ADCY5: variants seen among roughly 807,000 people sequenced by gnomAD.
The protein encoded by ADCY5 is adenylate cyclase type 5.
A neutral mutation model predicts 119.7 loss-of-function variants in ADCY5; 30 were observed. That is an observed-to-expected ratio of 0.25 (90% confidence interval 0.19 to 0.34). ADCY5 has a LOEUF of 0.34. ADCY5 is among the 10% of genes least tolerant of loss of function. The pLI is 1.00. For missense variants in ADCY5, 1,324 were observed against 1,775.2 expected (o/e 0.75, Z 4.57); for synonymous variants, 753 against 762.2 (o/e 0.99, Z 0.20).
Position 123,286,976 on chromosome 3 carries a change from G to A in ADCY5, c.3533-167C>T, listed in dbSNP as rs2108164527. On this transcript the variant is annotated intron_variant, in intron 19 of 20. Transcript: ENST00000462833. The surrounding 1 kb of genome is among the most constrained non-coding windows in gnomAD (Gnocchi z 4.2). ...TGCAGCCTCCCGCTACCCTGCTCCTGTCAAATGCCTGTGAATGCAAGACAC... is the reference window on the plus strand; with the variant it reads ...TGCAGCCTCCCGCTACCCTGCTCCTATCAAATGCCTGTGAATGCAAGACAC... The A allele has an allele frequency of 1.1e-6, 1 of 900,614 alleles. No homozygotes were observed. The highest frequency in any genetic ancestry group is 1.6e-6 in the Non-Finnish European group (1 of 632,312). The allele number at this position is 900,614 out of a possible 1,614,324, so 55.8% of individuals were successfully genotyped here.
chr3:123,292,812 T>C (rs1939240011), intron 17 of ADCY5, among the ~76,000 whole-genome samples: 1 of 152,156 alleles, frequency 6.6e-6, no homozygotes, highest in African/African-American at 2.4e-5. Context: ...TGCACCAGAC[T>C]AGACAGTCCT....
intron 1 of ADCY5, among the ~76,000 whole-genome samples, chr3:123,386,272 C>T (rs62262391): frequency 0.2 from 28,541 of 143,362 alleles, 3,002 homozygotes; most frequent in Middle Eastern, 0.29. Context: ...CCCTCATCCT[C>T]GGCAGAGGCC....
intron 3 of ADCY5, among the ~76,000 whole-genome samples, chr3:123,339,158 G>A (rs945607359): frequency 6.6e-6 from 1 of 152,222 alleles, no homozygotes; most frequent in Non-Finnish European, 1.5e-5. Flanking sequence ...GGGCTGGGGA[G>A]GCTGAAGTGG....
At chr3:123,367,910 A>T (rs1943503443) in intron 1 of ADCY5, 1 of 1,535,310 alleles carries the variant, frequency 6.5e-7, no homozygotes, top group Admixed American at 2.0e-5. Flanking sequence ...CTTACCTCCA[A>T]CTGAGTGCGG....
intron 1 of ADCY5, among the ~76,000 whole-genome samples, chr3:123,388,237 G>T (rs1944291439): frequency 6.6e-6 from 1 of 152,194 alleles, no homozygotes; most frequent in Non-Finnish European, 1.5e-5. Flanking sequence ...GGTCTAACCA[G>T]GGCAGGTTGG....
intron 4 of ADCY5, among the ~76,000 whole-genome samples, chr3:123,332,319 C>G (rs1182902541): frequency 6.6e-6 from 1 of 152,256 alleles, no homozygotes; most frequent in Non-Finnish European, 1.5e-5. Flanking sequence ...GCTCCCTACA[C>G]TCTCGCTTGT....
At chr3:123,353,673 G>A (rs1270123879) in intron 1 of ADCY5, among the ~76,000 whole-genome samples, 1 of 152,204 alleles carries the variant, frequency 6.6e-6, no homozygotes, top group Non-Finnish European at 1.5e-5. Flanking sequence ...GGGGTAAGGA[G>A]GGCACTTGGC....
chr3:123,380,199 T>C (rs1236202085), intron 1 of ADCY5, among the ~76,000 whole-genome samples: 1 of 152,220 alleles, frequency 6.6e-6, no homozygotes, highest in African/African-American at 2.4e-5. Flanking sequence ...AAAATCCCAG[T>C]TGCAATTACC....
At chr3:123,395,729 T>C (rs1273042956) in intron 1 of ADCY5, among the ~76,000 whole-genome samples, 3 of 151,574 alleles carry the variant, frequency 2.0e-5, no homozygotes, top group African/African-American at 7.3e-5. Flanking sequence ...AAAAAAATTT[T>C]TTTAATTGCC....
intron 1 of ADCY5, among the ~76,000 whole-genome samples, chr3:123,426,999 G>A (rs993533538): frequency 6.6e-6 from 1 of 152,212 alleles, no homozygotes; most frequent in East Asian, 1.9e-4. Flanking sequence ...AAGTCCCCTG[G>A]GGAAGAGGTG....
chr3:123,322,469 G>A (rs898230765), intron 8 of ADCY5, among the ~76,000 whole-genome samples: 2 of 152,138 alleles, frequency 1.3e-5, no homozygotes, highest in African/African-American at 2.4e-5. Context: ...AGAGCTCAGC[G>A]CCAGGTCGGC....
At position 123,283,678 on chromosome 3, in the gene ADCY5, A is replaced by G. The variant is rs536108214; in HGVS notation, c.*930T>C. ...ACAGCATGAACACACACACATATAC[A>G]CCAGTACATACACCGACATACACAC... On this transcript the variant is annotated 3_prime_UTR_variant, in exon 21 of 21. Coordinates refer to ENST00000462833, the MANE Select transcript of ADCY5 (RefSeq NM_183357.3). 4 of 152,168 alleles carry G rather than the reference A, an allele frequency of 2.6e-5. No homozygotes were observed. In the East Asian group the frequency reaches 7.8e-4, roughly 30 times the overall value. The allele number at this position is 152,168 out of a possible 1,614,324, so 9.4% of individuals were successfully genotyped here. A position where few individuals can be genotyped will look rare whatever the true frequency, so the allele number is the denominator to read the frequency against.
chr3:123,287,000 A>G lies in ADCY5; in HGVS notation c.3533-191T>C, dbSNP rs1003012708. The G allele has an allele frequency of 2.8e-6, 2 of 719,540 alleles. No homozygotes were observed. Among genetic ancestry groups the G allele is most frequent in the Admixed American group, 7.0e-5 (2 of 28,598 alleles). 44.6% of individuals were successfully genotyped at this position (719,540 alleles called of 1,614,324 possible). A position where few individuals can be genotyped will look rare whatever the true frequency, so the allele number is the denominator to read the frequency against. ...TGTCAAATGCCTGTGAATGCAAGAC[A>G]CAAGGAGCCTGCACCTGTGTCCTCG... On this transcript the variant is annotated intron_variant, in intron 19 of 20. Transcript: ENST00000462833. The surrounding 1 kb of genome is among the most constrained non-coding windows in gnomAD (Gnocchi z 4.2).
In ADCY5 at chr3:123,352,749, C is replaced by G. The variant is rs111951218; in HGVS notation, c.1135-168G>C. ...CTGTGAGCAGCCGAGCATAATCGATCGGGCTCTCTGATGTCCTCAAAGCCA... is the reference window on the plus strand; with the variant it reads ...CTGTGAGCAGCCGAGCATAATCGATGGGGCTCTCTGATGTCCTCAAAGCCA... On this transcript the variant is annotated intron_variant, in intron 1 of 20. Coordinates refer to ENST00000462833, the MANE Select transcript of ADCY5 (RefSeq NM_183357.3). The surrounding 1 kb of genome is among the most constrained non-coding windows in gnomAD (Gnocchi z 4.8). Among the ~76,000 whole-genome samples, 1 of 152,174 alleles carries G rather than the reference C, an allele frequency of 6.6e-6. No individual in the cohort carries two copies. Among genetic ancestry groups the G allele is most frequent in the Admixed American group, 6.5e-5 (1 of 15,274 alleles).
At chr3:123,311,420 G>A (rs1256857798) in intron 12 of ADCY5, among the ~76,000 whole-genome samples, 1 of 152,188 alleles carries the variant, frequency 6.6e-6, no homozygotes, top group East Asian at 1.9e-4. Flanking sequence ...ACTGTTCCCC[G>A]CCATGCACAT....
At position 123,328,794 on chromosome 3, in the gene ADCY5, C is replaced by T. The variant is rs2108391289; in HGVS notation, c.1655G>A (p.Arg552Gln). 2 of 1,614,156 alleles carry T rather than the reference C, an allele frequency of 1.2e-6. No homozygotes were observed. The highest frequency in any genetic ancestry group is 1.7e-6 in the Non-Finnish European group (2 of 1,180,004). Residue 552 changes from arginine to glutamine, a missense_variant, in exon 6 of 21, where the codon CGG (arginine) becomes CAG (glutamine). By Grantham distance (43) the Arg-to-Gln change is conservative. Around this residue, in one of 6 missense-constraint regions of ADCY5, gnomAD observed 123 missense variants for 287.9 expected, o/e 0.43. Transcript: ENST00000462833. ...MDMIEAISLV[R>Q]EVTGVNVNMR... Reference sequence around the variant, plus strand: ...GTTCACGTTCACCCCTGTCACCTCCCGGACCAACCTGGGGATGGAGCAGGA... The same window carrying T: ...GTTCACGTTCACCCCTGTCACCTCCTGGACCAACCTGGGGATGGAGCAGGA...
chr3:123,325,183 GGCAAACC>G, intron 8 of ADCY5, 132 bp downstream of exon 8: 1 of 1,175,806 alleles, frequency 8.5e-7, no homozygotes, highest in Non-Finnish European at 1.2e-6. Context: ...CCAAAGTTGG[GGCAAACC>G]GCACTTGTAT....
At chr3:123,399,765 G>C (rs977409708) in intron 1 of ADCY5, among the ~76,000 whole-genome samples, 3 of 152,068 alleles carry the variant, frequency 2.0e-5, no homozygotes, top group Non-Finnish European at 2.9e-5. Context: ...TTCATCCCAG[G>C]AACGCTTCAG....
rs1186825721 is a variant in ADCY5 at position 123,332,651 on chromosome 3, G to A, written c.1431C>T (p.Gly477=). ...TGCACTGGGACGCCAGGCTGGTGAAGCCCTCGATGTCAGCAAACAGGATGC... is the reference window on the plus strand; with the variant it reads ...TGCACTGGGACGCCAGGCTGGTGAAACCCTCGATGTCAGCAAACAGGATGC... ...NVSILFADIE[G]FTSLASQCTA... The change falls in exon 4 of 21, where the codon GGC becomes GGT. Residue 477 remains glycine (G), a synonymous_variant. Transcript: ENST00000462833. 1 of 1,613,472 alleles carries A rather than the reference G, an allele frequency of 6.2e-7. No homozygotes were observed. The highest frequency in any genetic ancestry group is 1.1e-5 in the South Asian group (1 of 90,918).
Sources: gnomAD v4.1 joint callset for allele counts (sites outside exome capture counted in the v4.1 genomes callset) on GRCh38, gnomAD v4.1.1 for gene constraint, gnomAD v4.1.1 regional missense constraint, Gnocchi (gnomAD v3.1) non-coding constraint, MANE v1.5 for transcripts, NCBI Gene and HGNC (gene_info 2026-07-23, HGNC 2026-07-21) for gene names.